CDH23: variants seen among roughly 807,000 people sequenced by gnomAD.
CDH23 encodes cadherin-23.
A neutral mutation model predicts 317.1 loss-of-function variants in CDH23; 189 were observed. That is an observed-to-expected ratio of 0.60 (90% confidence interval 0.53 to 0.67). CDH23 has a LOEUF of 0.67. CDH23 is among the 30% of genes least tolerant of loss of function. The pLI, the probability that CDH23 is intolerant of heterozygous loss-of-function variation, is 0.00. For missense variants in CDH23, 4,401 were observed against 4,592.4 expected, an observed-to-expected ratio of 0.96 and a Z score of 1.20; for synonymous variants, 1,839 against 1,876.8, an observed-to-expected ratio of 0.98 and a Z score of 0.52.
intron 28 of CDH23, among the ~76,000 whole-genome samples, chr10:71,720,662 C>T (rs745333592): frequency 1.3e-5 from 2 of 152,218 alleles, no homozygotes; most frequent in Non-Finnish European, 2.9e-5. Flanking sequence ...TTTAGCTGTT[C>T]CCTCCTGCCC....
chr10:71,517,286 T>C (rs1031803808), intron 6 of CDH23, among the ~76,000 whole-genome samples: 3 of 152,208 alleles, frequency 2.0e-5, no homozygotes, highest in Non-Finnish European at 4.4e-5. Flanking sequence ...TGCACTCCAC[T>C]TTCCTCCCAG....
chr10:71,497,614 C>T lies in CDH23; in HGVS notation c.146-12468C>T, dbSNP rs1029101214. Among the ~76,000 whole-genome samples, 7 of 152,236 alleles carry T rather than the reference C, an allele frequency of 4.6e-5. No homozygotes were observed. In the East Asian group the frequency reaches 5.8e-4, roughly 13 times the overall value. Reference sequence around the variant, plus strand: ...ACCCTTGGGAGCCGGGTTGGGTCTTCTCTGCCTGTCTATCCTCCGCTGCGG... The same window carrying T: ...ACCCTTGGGAGCCGGGTTGGGTCTTTTCTGCCTGTCTATCCTCCGCTGCGG... On this transcript the variant is annotated intron_variant, in intron 3 of 69. Coordinates refer to ENST00000224721, the MANE Select transcript of CDH23 (RefSeq NM_022124.6).
intron 68 of CDH23, among the ~76,000 whole-genome samples, 155 bp downstream of exon 68, chr10:71,813,045 G>A (rs573290637): frequency 3.8e-4 from 58 of 152,300 alleles, no homozygotes; most frequent in African/African-American, 1.3e-3. Context: ...TCCAGCCTGC[G>A]GTGGCCTTAA....
chr10:71,780,306 T>A, intron 41 of CDH23, among the ~76,000 whole-genome samples: 1 of 152,154 alleles, frequency 6.6e-6, no homozygotes. Flanking sequence ...ATGAACCAAC[T>A]GACTAAGTAG....
chr10:71,730,793 G>A (rs920338837), intron 31 of CDH23, among the ~76,000 whole-genome samples, 189 bp downstream of exon 31: 3 of 152,228 alleles, frequency 2.0e-5, no homozygotes, highest in African/African-American at 7.2e-5. Context: ...GAGAGGGTTG[G>A]AATCAGGGAG....
chr10:71,462,665 C>A (rs569800200), intron 3 of CDH23, among the ~76,000 whole-genome samples: 10 of 152,346 alleles, frequency 6.6e-5, no homozygotes, highest in African/African-American at 2.2e-4. Flanking sequence ...GCATTCTCTG[C>A]AGATCTGTTT....
At position 71,661,915 on chromosome 10, in the gene CDH23, C is replaced by CCACCCTGCGCGCCTCCTCA. The variant is rs1183802490; in HGVS notation, c.1450-13184_1450-13166dup. On this transcript the variant is annotated intron_variant, in intron 14 of 69. Transcript: ENST00000224721. The stretch of plus-strand genomic sequence containing the variant: ...CCCCTCCCACCCAGCGCGCCCCCTT[C>CCACCCTGCGCGCCTCCTCA]CACCCTGCGCGCCTCCTCACACCCT... 3.5e-3 allele frequency among the ~76,000 whole-genome samples: 481 copies of CCACCCTGCGCGCCTCCTCA among 135,936 alleles called. 5 individuals carry two copies. The highest frequency in any genetic ancestry group is 0.012 in the African/African-American group (436 of 35,468). 89.2% of individuals were successfully genotyped at this position (135,936 alleles called of 152,430 possible).
At position 71,511,161 on chromosome 10, in the gene CDH23, T is replaced by C; in HGVS notation, c.378T>C (p.Asn126=). ...TGAACATCCAGGTTGGGGATGTGAA[T>C]GACAACGCGCCCACATTTCACAATC... ...RKVNIQVGDV[N]DNAPTFHNQP... Residue 126 remains asparagine (N), a synonymous_variant, in exon 6 of 70, where the codon AAT becomes AAC. Transcript: ENST00000224721. 1.2e-6 allele frequency: 2 copies of C among 1,613,624 alleles called. No individual in the cohort carries two copies. The highest frequency in any genetic ancestry group is 1.7e-6 in the Non-Finnish European group (2 of 1,179,662).
At chr10:71,703,634 G>A (rs963661574) in intron 24 of CDH23, among the ~76,000 whole-genome samples, 2 of 152,212 alleles carry the variant, frequency 1.3e-5, no homozygotes, top group African/African-American at 4.8e-5. Flanking sequence ...AGAAGATGGG[G>A]TTGTTTGTCA....
At chr10:71,688,808 AAC>A (rs1297406021) in intron 19 of CDH23, among the ~76,000 whole-genome samples, 3 of 83,718 alleles carry the variant, frequency 3.6e-5, no homozygotes, top group Admixed American at 2.3e-4. Context: ...TGGTGGAGCC[AAC>A]GGTGGTGGAG....
chr10:71,489,674 A>G (rs114882424), intron 3 of CDH23, among the ~76,000 whole-genome samples: 1,598 of 151,158 alleles, frequency 0.011, 23 homozygotes, highest in African/African-American at 0.031. Flanking sequence ...TGGTTGAGAG[A>G]GTGATTCTTT....
In CDH23 at chr10:71,772,009, G is replaced by A. The variant is rs567335032; in HGVS notation, c.4846-5671G>A. 4.4e-3 allele frequency among the ~76,000 whole-genome samples: 672 copies of A among 152,310 alleles called. 4 individuals are homozygous for A. The highest frequency in any genetic ancestry group is 6.8e-3 in the Middle Eastern group (2 of 294). On this transcript the variant is annotated intron_variant, in intron 38 of 69. Coordinates refer to ENST00000224721, the MANE Select transcript of CDH23 (RefSeq NM_022124.6). ...AGGTGGGATGCTGGCTTGCCTGCCT[G>A]CCACCATCCTCTGTTCCTTCTGGAA...
At chr10:71,772,401 C>T (rs1840706689) in intron 38 of CDH23, among the ~76,000 whole-genome samples, 1 of 152,238 alleles carries the variant, frequency 6.6e-6, no homozygotes, top group Non-Finnish European at 1.5e-5. Context: ...CCTGGGCCCT[C>T]CCTATAAAGT....
intron 9 of CDH23, among the ~76,000 whole-genome samples, chr10:71,610,138 G>A (rs936621642): frequency 1.3e-5 from 2 of 152,144 alleles, no homozygotes; most frequent in Non-Finnish European, 2.9e-5. Context: ...CGAGTAGCTG[G>A]AATTATAGGC....
At chr10:71,617,747 T>C (rs1861269006) in intron 11 of CDH23, 1 of 181,642 alleles carries the variant, frequency 5.5e-6, no homozygotes, top group Non-Finnish European at 1.1e-5. Context: ...ACATCTGTAA[T>C]CCCAGCCCTT....
At chr10:71,809,243 A>G (rs1475545304) in intron 60 of CDH23, among the ~76,000 whole-genome samples, 1 of 139,100 alleles carries the variant, frequency 7.2e-6, no homozygotes, top group African/African-American at 2.7e-5. Flanking sequence ...CAGTGGTGCA[A>G]TCTCAGCTCA....
chr10:71,411,833 A>T (rs1848357447), intron 1 of CDH23, among the ~76,000 whole-genome samples: 1 of 152,216 alleles, frequency 6.6e-6, no homozygotes, highest in Admixed American at 6.5e-5. Context: ...TTACCTTTTA[A>T]ACCCTTTTTC....
At chr10:71,657,976 G>A (rs371872161) in intron 14 of CDH23, among the ~76,000 whole-genome samples, 1 of 152,182 alleles carries the variant, frequency 6.6e-6, no homozygotes, top group South Asian at 2.1e-4. Context: ...CCTGCCCCCA[G>A]GCTGGCCTGG....
chr10:71,738,669 C>A, intron 35 of CDH23, 22 bp downstream of exon 35: 2 of 1,608,522 alleles, frequency 1.2e-6, no homozygotes, highest in South Asian at 2.2e-5. Context: ...AGTGAAACAG[C>A]CAGGATCCAC....
Sources: allele counts gnomAD v4.1 joint callset (sites outside exome capture counted in the v4.1 genomes callset), GRCh38; gene constraint gnomAD v4.1.1; transcripts MANE v1.5; gene names NCBI Gene and HGNC (gene_info 2026-07-23, HGNC 2026-07-21).